HS6ST3: variants seen among roughly 807,000 people sequenced by gnomAD.
The protein encoded by HS6ST3 is heparan-sulfate 6-O-sulfotransferase 3.
In HS6ST3, 12 loss-of-function variants were observed where a neutral mutation model predicts 36.7. The observed-to-expected ratio is 0.33, with a 90% CI of 0.21 to 0.53. The LOEUF is 0.53. HS6ST3 is among the 20% of genes least tolerant of loss of function. The probability of loss-of-function intolerance (pLI) is 0.95; values close to 1 mark genes in which losing one functional copy is unlikely to be tolerated. For missense variants in HS6ST3, 584 were observed against 640.9 expected, an observed-to-expected ratio of 0.91 and a Z score of 0.96; for synonymous variants, 240 against 257.5, an observed-to-expected ratio of 0.93 and a Z score of 0.65.
At chr13:96,473,154 C>G (rs1393588169) in intron 1 of HS6ST3, among the ~76,000 whole-genome samples, 1 of 152,180 alleles carries the variant, frequency 6.6e-6, no homozygotes, top group Non-Finnish European at 1.5e-5. Flanking sequence ...TTTAATTACA[C>G]AGGAAGCACT....
At chr13:96,271,742 C>G (rs565086717) in intron 1 of HS6ST3, among the ~76,000 whole-genome samples, 2 of 152,116 alleles carry the variant, frequency 1.3e-5, no homozygotes, top group East Asian at 3.9e-4. Flanking sequence ...ATCTGCTGAT[C>G]TTAGCAATTC....
At chr13:96,739,592 C>G (rs1166183683) in intron 1 of HS6ST3, among the ~76,000 whole-genome samples, 1 of 152,126 alleles carries the variant, frequency 6.6e-6, no homozygotes, top group African/African-American at 2.4e-5. Flanking sequence ...ACATCCAAGC[C>G]ATGGTCTGTT....
intron 1 of HS6ST3, among the ~76,000 whole-genome samples, chr13:96,295,786 G>A (rs2054852131): frequency 6.6e-6 from 1 of 152,106 alleles, no homozygotes; most frequent in Non-Finnish European, 1.5e-5. Context: ...GTTAGCTGCT[G>A]ACTTGAGTTT....
intron 1 of HS6ST3, among the ~76,000 whole-genome samples, chr13:96,736,648 G>A (rs910603672): frequency 6.6e-6 from 1 of 152,126 alleles, no homozygotes; most frequent in African/African-American, 2.4e-5. Context: ...AGATATATCA[G>A]ACTCTTTACC....
At chr13:96,646,165 T>C (rs2056587898) in intron 1 of HS6ST3, among the ~76,000 whole-genome samples, 1 of 152,052 alleles carries the variant, frequency 6.6e-6, no homozygotes, top group Non-Finnish European at 1.5e-5. Context: ...GATTATGAAC[T>C]GCTGAATTGG....
intron 1 of HS6ST3, among the ~76,000 whole-genome samples, chr13:96,510,723 A>G (rs2056046286): frequency 6.6e-6 from 1 of 152,098 alleles, no homozygotes; most frequent in Non-Finnish European, 1.5e-5. Context: ...TATTAACATT[A>G]TTAATGTTAT....
intron 1 of HS6ST3, among the ~76,000 whole-genome samples, chr13:96,525,125 T>C (rs991076793): frequency 1.3e-5 from 2 of 152,242 alleles, no homozygotes; most frequent in African/African-American, 4.8e-5. Context: ...TTTTCTGGAT[T>C]ATGTTTTCTC....
At chr13:96,444,676 A>G (rs968515051) in intron 1 of HS6ST3, among the ~76,000 whole-genome samples, 1 of 152,200 alleles carries the variant, frequency 6.6e-6, no homozygotes, top group Non-Finnish European at 1.5e-5. Flanking sequence ...GTAGGAATAT[A>G]TTTAGTAGGG....
At chr13:96,141,567 A>T (rs1228931457) in intron 1 of HS6ST3, among the ~76,000 whole-genome samples, 1 of 152,024 alleles carries the variant, frequency 6.6e-6, no homozygotes, top group Non-Finnish European at 1.5e-5. Context: ...GCCTCAAGTG[A>T]TCCGCCTGCC....
chr13:96,285,934 C>T (rs574031788), intron 1 of HS6ST3, among the ~76,000 whole-genome samples: 2 of 148,316 alleles, frequency 1.3e-5, no homozygotes, highest in South Asian at 4.4e-4. Context: ...TCCTTCCCTC[C>T]CTCCCTCCTT....
At chr13:96,316,497 A>C (rs777693668) in intron 1 of HS6ST3, among the ~76,000 whole-genome samples, 3 of 152,150 alleles carry the variant, frequency 2.0e-5, no homozygotes, top group Non-Finnish European at 1.5e-5. Context: ...GTGAAGATGA[A>C]ATGCAGCTCT....
At chr13:96,783,151 C>G (rs1287552177) in intron 1 of HS6ST3, among the ~76,000 whole-genome samples, 1 of 152,144 alleles carries the variant, frequency 6.6e-6, no homozygotes, top group African/African-American at 2.4e-5. Flanking sequence ...AATATAAAAA[C>G]AGAATTATGG....
chr13:96,671,041 G>A (rs1392057796), intron 1 of HS6ST3, among the ~76,000 whole-genome samples: 1 of 152,036 alleles, frequency 6.6e-6, no homozygotes, highest in African/African-American at 2.4e-5. Context: ...GAACACTTAG[G>A]GGTAATGAAA....
intron 1 of HS6ST3, among the ~76,000 whole-genome samples, chr13:96,597,566 T>G (rs2056406329): frequency 2.0e-5 from 3 of 151,974 alleles, no homozygotes; most frequent in African/African-American, 7.2e-5. Flanking sequence ...TTTGAGTTCC[T>G]TGTAGATTCT....
chr13:96,099,299 T>C (rs207474279), intron 1 of HS6ST3, among the ~76,000 whole-genome samples: 1 of 152,200 alleles, frequency 6.6e-6, no homozygotes, highest in Non-Finnish European at 1.5e-5. Flanking sequence ...AGCATCTTTT[T>C]TGAATTTGGA....
chr13:96,119,689 G>C (rs1376916602), intron 1 of HS6ST3, among the ~76,000 whole-genome samples: 1 of 152,152 alleles, frequency 6.6e-6, no homozygotes, highest in East Asian at 1.9e-4. Flanking sequence ...CTGTGAGCCA[G>C]AGGGCCTGGA....
intron 1 of HS6ST3, among the ~76,000 whole-genome samples, chr13:96,468,097 A>G (rs939157482): frequency 6.6e-6 from 1 of 152,140 alleles, no homozygotes; most frequent in African/African-American, 2.4e-5. Flanking sequence ...AATGATTACA[A>G]CTTCTGTTTT....
intron 1 of HS6ST3, among the ~76,000 whole-genome samples, chr13:96,492,946 G>A (rs1462180057): frequency 1.3e-5 from 2 of 152,144 alleles, no homozygotes; most frequent in Non-Finnish European, 2.9e-5. Context: ...TCTCTGCTCC[G>A]ACAGATGCCG....
chr13:96,607,902 C>T (rs2056444619), intron 1 of HS6ST3, among the ~76,000 whole-genome samples: 1 of 152,144 alleles, frequency 6.6e-6, no homozygotes, highest in African/African-American at 2.4e-5. Flanking sequence ...TAAATGCGTA[C>T]TTCCCAGTTC....
Sources: allele counts gnomAD v4.1 joint callset (sites outside exome capture counted in the v4.1 genomes callset), GRCh38; gene constraint gnomAD v4.1.1; transcripts MANE v1.5; gene names NCBI Gene and HGNC (gene_info 2026-07-23, HGNC 2026-07-21).